The following SETX variants were observed in gnomAD, a reference collection of about 807,000 sequenced individuals.
The protein encoded by SETX is helicase senataxin.
Under a neutral mutation model 227.2 loss-of-function variants are expected in SETX, and 90 were observed. The ratio of observed to expected loss-of-function variants is 0.40; its 90% CI spans 0.33 to 0.47. The LOEUF (loss-of-function observed/expected upper bound fraction) is 0.47, where lower values mean the gene tolerates loss of function less well. Among genes scored for constraint, SETX ranks in the 20% least tolerant of loss-of-function variants. The pLI is 0.91. For synonymous variants in SETX, 1,210 were observed against 1,113.2 expected (o/e 1.09, Z -1.73); for missense variants, 3,052 against 3,181.5 (o/e 0.96, Z 0.98).
intron 3 of SETX, among the ~76,000 whole-genome samples, chr9:132,347,767 C>A (rs892339334): frequency 2.0e-5 from 3 of 151,926 alleles, no homozygotes; most frequent in Non-Finnish European, 2.9e-5. Context: ...AGCTAACTAC[C>A]TTAGTGCAGC....
In SETX at chr9:132,326,671, G is replaced by T. The variant is rs1259891746; in HGVS notation, c.4927C>A (p.Leu1643Ile). Reference protein sequence around the residue: ...SILKVPQPVPLIAQKPVGEMK... With the variant: ...SILKVPQPVPIIAQKPVGEMK... Reference sequence around the variant, plus strand: ...TCACCAACTGGCTTCTGAGCTATGAGGGGAACTGGCTGTGGTACTTTCAAA... The same window carrying T: ...TCACCAACTGGCTTCTGAGCTATGATGGGAACTGGCTGTGGTACTTTCAAA... Residue 1643 changes from leucine (L) to isoleucine (I), a missense_variant, in exon 10 of 26, where the codon CTC becomes ATC. Around this residue, in one of 10 missense-constraint regions of SETX, gnomAD observed 1,483 missense variants for 1,312.0 expected, o/e 1.13. Coordinates refer to ENST00000224140, the MANE Select transcript of SETX (RefSeq NM_015046.7). 1 of 1,614,080 alleles carries T rather than the reference G, an allele frequency of 6.2e-7. No homozygotes were observed. The highest frequency in any genetic ancestry group is 8.5e-7 in the Non-Finnish European group (1 of 1,180,040).
chr9:132,355,850 G>A (rs1343657564), upstream of SETX, among the ~76,000 whole-genome samples: 4 of 152,014 alleles, frequency 2.6e-5, no homozygotes, highest in Admixed American at 1.3e-4. Flanking sequence ...ACCTGGGCGT[G>A]GTGGCGGGTG....
upstream of SETX, among the ~76,000 whole-genome samples, chr9:132,356,073 C>T (rs1027361586): frequency 6.6e-6 from 1 of 151,540 alleles, no homozygotes; most frequent in Non-Finnish European, 1.5e-5. Context: ...TCCATTGAGA[C>T]CGGGAGATCG....
At position 132,267,566 on chromosome 9, in the gene SETX, A is replaced by G. The variant is rs187067810; in HGVS notation, c.7287+2049T>C. 3.2e-4 allele frequency among the ~76,000 whole-genome samples: 48 copies of G among 152,304 alleles called. No individual in the cohort carries two copies. In the East Asian group the frequency reaches 8.9e-3, roughly 28 times the overall value. ...AGCAAATGAATCCCCAAAACAACAA[A>G]GAAAAAGCCCAAGGACAAAAAAAGT... On this transcript the variant is annotated intron_variant, in intron 25 of 25. Transcript: ENST00000224140.
intron 15 of SETX, among the ~76,000 whole-genome samples, chr9:132,291,809 T>C (rs1328335805): frequency 1.3e-5 from 2 of 152,148 alleles, no homozygotes; most frequent in Non-Finnish European, 2.9e-5. Context: ...AGTTTGACAT[T>C]GCTAAAGCTA....
Position 132,327,068 on chromosome 9 carries a change from T to C in SETX, c.4530A>G (p.Ser1510=). The part of the protein sequence containing the change: ...QNDPEDMDLC[S]QMENDNYKLI... ...GTTTATAATTGTCATTCTCCATTTG[T>C]GAACATAAATCCATATCTTCAGGAT... Residue 1510 remains serine (S), a synonymous_variant, in exon 10 of 26, where the codon TCA becomes TCG. Transcript: ENST00000224140. 3 of 1,614,230 alleles carry C rather than the reference T, an allele frequency of 1.9e-6. No individual in the cohort carries two copies. Among genetic ancestry groups the C allele is most frequent in the South Asian group, 1.1e-5 (1 of 91,084 alleles).
intron 11 of SETX, among the ~76,000 whole-genome samples, chr9:132,302,681 C>CAAA (rs57673567): frequency 1.6e-3 from 128 of 78,462 alleles, no homozygotes; most frequent in Non-Finnish European, 2.7e-3. Context: ...AAAAAAAAAG[C>CAAA]AAAAAAAAAA....
At chr9:132,277,935 A>G (rs1249657929) in intron 21 of SETX, 135 bp downstream of exon 21, 18 of 870,612 alleles carry the variant, frequency 2.1e-5, no homozygotes, top group Non-Finnish European at 2.6e-5. Context: ...GATGGCTATT[A>G]TAACAGGACA....
intron 17 of SETX, among the ~76,000 whole-genome samples, chr9:132,287,685 CAAA>C (rs34414342): frequency 2.0e-5 from 2 of 98,898 alleles, no homozygotes; most frequent in African/African-American, 8.2e-5. Context: ...TTGCCCTTTA[CAAA>C]AAAGTTTTTA....
chr9:132,323,243 TTAAC>T (rs1363474905), intron 10 of SETX, among the ~76,000 whole-genome samples: 1 of 152,064 alleles, frequency 6.6e-6, no homozygotes, highest in Non-Finnish European at 1.5e-5. Context: ...AATTTATAGA[TTAAC>T]TAACGTACCT....
Position 132,327,645 on chromosome 9 carries a change from C to T in SETX, c.3953G>A (p.Gly1318Glu), listed in dbSNP as rs775229901. The change falls in exon 10 of 26, where the codon GGA becomes GAA. Residue 1318 changes from glycine to glutamate, a missense_variant. Transcript: ENST00000224140. ...AQLRDHGKTV[G>E]VVDTRKKTKL... ...AGTCTTTTTTCGGGTATCAACTACT[C>T]CAACAGTTTTGCCATGATCACGTAA... The T allele has an allele frequency of 1.2e-6, 2 of 1,613,920 alleles. No individual in the cohort carries two copies. The highest frequency in any genetic ancestry group is 1.1e-5 in the South Asian group (1 of 91,062).
At chr9:132,286,583 T>C (rs1843913223) in intron 17 of SETX, 89 bp from the exon 18 acceptor site, 1 of 894,988 alleles carries the variant, frequency 1.1e-6, no homozygotes, top group Admixed American at 2.0e-5. Context: ...TAAAAGAGCC[T>C]GTATTTCACC....
intron 6 of SETX, among the ~76,000 whole-genome samples, chr9:132,336,058 A>G (rs1847593382): frequency 6.6e-6 from 1 of 152,104 alleles, no homozygotes; most frequent in African/African-American, 2.4e-5. Context: ...CCTGGCCAAC[A>G]TGGTGAAACC....
chr9:132,307,303 T>A (rs1389258141), intron 11 of SETX, among the ~76,000 whole-genome samples: 3 of 151,970 alleles, frequency 2.0e-5, no homozygotes, highest in African/African-American at 7.2e-5. Flanking sequence ...TCTGCCTTAA[T>A]GTCTATTTAG....
At position 132,328,074 on chromosome 9, in the gene SETX, C is replaced by T; in HGVS notation, c.3524G>A (p.Arg1175Lys). Residue 1175 changes from arginine (R) to lysine (K), a missense_variant, in exon 10 of 26, where the codon AGG (arginine) becomes AAG (lysine). Physicochemically the swap from Arg to Lys is conservative, Grantham distance 26. Around this residue, in one of 10 missense-constraint regions of SETX, gnomAD observed 1,483 missense variants for 1,312.0 expected, o/e 1.13. Transcript: ENST00000224140. Reference protein sequence around the residue: ...SEKPMAEDPVRPSSSVRNEGQ... With the variant: ...SEKPMAEDPVKPSSSVRNEGQ... ...CTCATTTCTGACAGAAGATGAAGGC[C>T]TCACAGGATCTTCAGCCATTGGTTT... 2 of 1,614,138 alleles carry T rather than the reference C, an allele frequency of 1.2e-6. No homozygotes were observed. The highest frequency in any genetic ancestry group is 1.7e-6 in the Non-Finnish European group (2 of 1,180,022).
intron 10 of SETX, among the ~76,000 whole-genome samples, chr9:132,315,663 A>G (rs1465374126): frequency 2.0e-5 from 3 of 152,158 alleles, no homozygotes; most frequent in African/African-American, 4.8e-5. Context: ...TTCTTTGTAC[A>G]TCTGGTTTCC....
intron 22 of SETX, 45 bp from the exon 23 acceptor site, chr9:132,275,465 A>C: frequency 6.6e-7 from 1 of 1,519,482 alleles, no homozygotes; most frequent in South Asian, 1.1e-5. Context: ...CAAAACTAAT[A>C]GCAGGCTAAT....
rs540253216 is a variant in SETX, at chr9:132,324,159, T to G, written c.5274+2165A>C. On this transcript the variant is annotated intron_variant, in intron 10 of 25. Transcript: ENST00000224140. ...TATCTTTTAACTCAGGAAATGAAAGTAAGTGTCTACCCTTCATAGGGTTAT... is the reference window on the plus strand; with the variant it reads ...TATCTTTTAACTCAGGAAATGAAAGGAAGTGTCTACCCTTCATAGGGTTAT... Among the ~76,000 whole-genome samples, 5 of 144,766 alleles carry G rather than the reference T, an allele frequency of 3.5e-5. No individual in the cohort carries two copies. The East Asian group carries it at 9.7e-4, about 28-fold the overall frequency. 95.0% of individuals were successfully genotyped at this position (144,766 alleles called of 152,430 possible).
intron 7 of SETX, among the ~76,000 whole-genome samples, chr9:132,333,779 T>C (rs1056894033): frequency 6.6e-6 from 1 of 152,172 alleles, no homozygotes; most frequent in African/African-American, 2.4e-5. Context: ...AAGAGAATGT[T>C]CTGTGATGAT....
Sources: allele counts gnomAD v4.1 joint callset (sites outside exome capture counted in the v4.1 genomes callset), GRCh38; gene constraint gnomAD v4.1.1; regional missense constraint gnomAD v4.1.1; transcripts MANE v1.5; gene names NCBI Gene and HGNC (gene_info 2026-07-23, HGNC 2026-07-21).